The following NUDCD1 variants were observed in gnomAD, a reference collection of about 807,000 sequenced individuals.
The protein encoded by NUDCD1 is NudC domain containing 1.
In NUDCD1, 60 loss-of-function variants were observed where a neutral mutation model predicts 67.8. The observed-to-expected ratio is 0.88, with a 90% CI of 0.72 to 1.10. The LOEUF (loss-of-function observed/expected upper bound fraction) is 1.10, where lower values mean the gene tolerates loss of function less well. Among genes scored for constraint, NUDCD1 ranks in the 50% least tolerant of loss-of-function variants. The pLI, the probability that NUDCD1 is intolerant of heterozygous loss-of-function variation, is 0.00. For synonymous variants in NUDCD1, 244 were observed against 230.8 expected, an observed-to-expected ratio of 1.06 and a Z score of -0.52; for missense variants, 643 against 695.0, an observed-to-expected ratio of 0.93 and a Z score of 0.84.
chr8:109,250,765 C>T lies in NUDCD1; in HGVS notation c.1300-5284G>A, dbSNP rs540841996. Among the ~76,000 whole-genome samples, 3 of 150,224 alleles carry T rather than the reference C, an allele frequency of 2.0e-5. No homozygotes were observed. In the East Asian group the frequency reaches 5.8e-4, roughly 29 times the overall value. ...TAGTCTGTTGATATGGTGAATTATA[C>T]TGATTGATGATATTTGAATAACAAA... is the stretch of plus-strand genomic sequence containing the variant. On this transcript the variant is annotated intron_variant, in intron 8 of 9. Transcript: ENST00000239690.
chr8:109,297,462 C>T (rs1241656854), intron 2 of NUDCD1, among the ~76,000 whole-genome samples: 1 of 152,178 alleles, frequency 6.6e-6, no homozygotes, highest in East Asian at 1.9e-4. Flanking sequence ...CATTAGGGCT[C>T]CACACTGGTG....
At chr8:109,283,654 A>G (rs1814507220) in intron 5 of NUDCD1, among the ~76,000 whole-genome samples, 1 of 132,506 alleles carries the variant, frequency 7.5e-6, no homozygotes, top group South Asian at 2.6e-4. Context: ...ATTCCACCCA[A>G]GAATTTCATA....
In NUDCD1 at chr8:109,241,799, CT is replaced by C; in HGVS notation, c.*1209del. The C allele has an allele frequency of 3.2e-6, 1 of 312,644 alleles. No homozygotes were observed. The highest frequency in any genetic ancestry group is 5.8e-6 in the Non-Finnish European group (1 of 173,388). 19.4% of individuals were successfully genotyped at this position (312,644 alleles called of 1,614,324 possible). On this transcript the variant is annotated 3_prime_UTR_variant, in exon 10 of 10. Transcript: ENST00000239690. ...AACAAAGCTTTTCTATCTTATATTTCTTATCTTAATCTTCTGCCTCTTAAAT... is the reference window on the plus strand; with the variant it reads ...AACAAAGCTTTTCTATCTTATATTTCTATCTTAATCTTCTGCCTCTTAAAT...
In NUDCD1 at chr8:109,267,805, C is replaced by T. The variant is rs1814037643; in HGVS notation, c.1299+3200G>A. The stretch of plus-strand genomic sequence containing the variant: ...GATTATTTGTTTATTTCTTAAGTTA[C>T]TGAGGATAGAACCTGCTTACCACAG... On this transcript the variant is annotated intron_variant, in intron 8 of 9. Coordinates refer to ENST00000239690, the MANE Select transcript of NUDCD1 (RefSeq NM_032869.4). Among the ~76,000 whole-genome samples the T allele has an allele frequency of 2.0e-5, 3 of 152,132 alleles. 1 individual carries two copies. The highest frequency in any genetic ancestry group is 2.0e-4 in the Admixed American group (3 of 15,276).
intron 5 of NUDCD1, among the ~76,000 whole-genome samples, chr8:109,284,603 T>C (rs1284645979): frequency 1.3e-5 from 2 of 151,764 alleles, no homozygotes; most frequent in East Asian, 1.9e-4. Flanking sequence ...GGAATAAAAA[T>C]AGAAATCAAT....
intron 8 of NUDCD1, among the ~76,000 whole-genome samples, chr8:109,254,815 T>A (rs1158099188): frequency 6.6e-6 from 1 of 152,100 alleles, no homozygotes; most frequent in East Asian, 1.9e-4. Flanking sequence ...ATAATATTAA[T>A]AAAAAGGTTT....
chr8:109,287,862 C>G (rs1383191833), intron 5 of NUDCD1, among the ~76,000 whole-genome samples: 1 of 152,094 alleles, frequency 6.6e-6, no homozygotes, highest in Non-Finnish European at 1.5e-5. Context: ...TTTTTAATCA[C>G]CTCCCCATTG....
At chr8:109,260,243 C>G (rs1467858609) in intron 8 of NUDCD1, among the ~76,000 whole-genome samples, 1 of 152,216 alleles carries the variant, frequency 6.6e-6, no homozygotes, top group Non-Finnish European at 1.5e-5. Flanking sequence ...GTTGCCTAGG[C>G]TGGAGTGTAG....
rs1168805369 is a variant in NUDCD1, at chr8:109,241,977, T to C, written c.*1032A>G. The C allele has an allele frequency of 2.8e-5, 11 of 397,060 alleles. No individual in the cohort carries two copies. In the Admixed American group the frequency reaches 4.9e-4, roughly 18 times the overall value. 24.6% of individuals were successfully genotyped at this position (397,060 alleles called of 1,614,324 possible). ...GGTAAGTTTGAAAAAACAAAATTTG[T>C]GGCAAGAAACTATAACATATAAACA... On this transcript the variant is annotated 3_prime_UTR_variant, in exon 10 of 10. Coordinates refer to ENST00000239690, the MANE Select transcript of NUDCD1 (RefSeq NM_032869.4).
In NUDCD1 at chr8:109,248,595, A is replaced by G. The variant is rs181457579; in HGVS notation, c.1300-3114T>C. On this transcript the variant is annotated intron_variant, in intron 8 of 9. Transcript: ENST00000239690. ...TCATAATTAGGTTCTTAACCTAACA[A>G]GAGGGTGACTAGGGTCAAGAGCTTC... Among the ~76,000 whole-genome samples the G allele has an allele frequency of 8.5e-5, 13 of 152,248 alleles. No homozygotes were observed. In the East Asian group the frequency reaches 2.5e-3, roughly 29 times the overall value.
At chr8:109,251,213 G>A (rs932316003) in intron 8 of NUDCD1, among the ~76,000 whole-genome samples, 8 of 137,554 alleles carry the variant, frequency 5.8e-5, no homozygotes, top group African/African-American at 1.6e-4. Context: ...TCGCTCTGTC[G>A]CCCAGGCTGG....
At chr8:109,276,574 T>G (rs1301578564) in intron 6 of NUDCD1, among the ~76,000 whole-genome samples, 1 of 152,186 alleles carries the variant, frequency 6.6e-6, no homozygotes, top group Non-Finnish European at 1.5e-5. Flanking sequence ...AACTACCTAT[T>G]TTAAGAGACT....
chr8:109,333,837 C>G, intron 1 of NUDCD1, 56 bp downstream of exon 1: 3 of 1,594,228 alleles, frequency 1.9e-6, no homozygotes, highest in South Asian at 1.1e-5. Context: ...AGGGTCAGGC[C>G]GGAGGCAGCC....
intron 2 of NUDCD1, among the ~76,000 whole-genome samples, chr8:109,310,940 C>T (rs1484316321): frequency 6.6e-6 from 1 of 151,620 alleles, no homozygotes; most frequent in East Asian, 1.9e-4. Context: ...CTCAGCCTCC[C>T]GAGTAGCTGG....
intron 1 of NUDCD1, among the ~76,000 whole-genome samples, chr8:109,322,692 A>G (rs1415696406): frequency 6.6e-6 from 1 of 152,182 alleles, no homozygotes; most frequent in African/African-American, 2.4e-5. Flanking sequence ...CTTAGAATAC[A>G]GCGGCCACAG....
Position 109,333,996 on chromosome 8 carries a change from A to T in NUDCD1, c.15T>A (p.Ala5=). 3 of 1,614,200 alleles carry T rather than the reference A, an allele frequency of 1.9e-6. No homozygotes were observed. Among genetic ancestry groups the T allele is most frequent in the Non-Finnish European group, 2.5e-6 (3 of 1,180,018 alleles). ...GTCTCTTCACCCGTAGGGAGCAATT[A>T]GCCGCCACCTCCATCGCTTTCCAGG... MEVA[A]NCSLRVKRPL... Residue 5 remains alanine, a synonymous_variant, in exon 1 of 10, where the codon GCT becomes GCA. Coordinates refer to ENST00000239690, the MANE Select transcript of NUDCD1 (RefSeq NM_032869.4).
In NUDCD1 at chr8:109,322,426, T is replaced by C. The variant is rs752399813; in HGVS notation, c.156A>G (p.Thr52=). 6.2e-7 allele frequency: 1 copy of C among 1,602,764 alleles called. No homozygotes were observed. Among genetic ancestry groups the C allele is most frequent in the Non-Finnish European group, 8.5e-7 (1 of 1,171,892 alleles). The change falls in exon 2 of 10, where the codon ACA becomes ACG. Residue 52 remains threonine (T), a synonymous_variant. Coordinates refer to ENST00000239690, the MANE Select transcript of NUDCD1 (RefSeq NM_032869.4). ...TTCCAAAAGCATGCATGTGTTCCAG[T>C]GTATATTGATCATCTCGAAGTTTTA... ...AEVKLRDDQY[T]LEHMHAFGMY...
chr8:109,244,431 A>T (rs1052756780), intron 9 of NUDCD1, among the ~76,000 whole-genome samples: 1 of 152,248 alleles, frequency 6.6e-6, no homozygotes, highest in African/African-American at 2.4e-5. Flanking sequence ...ATAGATAATT[A>T]AAAAATAGCA....
At chr8:109,306,903 T>C (rs1716467731) in intron 2 of NUDCD1, among the ~76,000 whole-genome samples, 1 of 152,146 alleles carries the variant, frequency 6.6e-6, no homozygotes, top group Non-Finnish European at 1.5e-5. Context: ...ATGCTGCCCC[T>C]AATCCCTCTC....
Sources: allele counts gnomAD v4.1 joint callset (sites outside exome capture counted in the v4.1 genomes callset), GRCh38; gene constraint gnomAD v4.1.1; transcripts MANE v1.5; gene names NCBI Gene and HGNC (gene_info 2026-07-23, HGNC 2026-07-21).